NINJ2: variants seen among roughly 807,000 people sequenced by gnomAD.
NINJ2 encodes the protein ninjurin-2.
Under a neutral mutation model 11.7 loss-of-function variants are expected in NINJ2, and 12 were observed. The observed-to-expected ratio is 1.02, with a 90% CI of 0.66 to 1.66. The LOEUF is 1.66. Ranked by LOEUF, NINJ2 falls within the 40% of genes most tolerant of loss-of-function variation. The pLI is 0.00. For missense variants in NINJ2, 187 were observed against 181.8 expected (o/e 1.03, Z -0.16); for synonymous variants, 93 against 76.8 (o/e 1.21, Z -1.10).
chr12:605,119 C>T (rs1037267933), intron 1 of NINJ2, among the ~76,000 whole-genome samples: 2 of 152,164 alleles, frequency 1.3e-5, no homozygotes, highest in Non-Finnish European at 2.9e-5. Flanking sequence ...GTGTGAGATG[C>T]GGCCTACTCA....
chr12:644,191 T>G (rs751717725), intron 1 of NINJ2: 3 of 154,156 alleles, frequency 1.9e-5, no homozygotes, highest in Non-Finnish European at 4.4e-5. Flanking sequence ...GTGCTTATTA[T>G]GTAACAGACA....
At chr12:656,468 C>A (rs115536757) in intron 1 of NINJ2, among the ~76,000 whole-genome samples, 2 of 151,834 alleles carry the variant, frequency 1.3e-5, no homozygotes, top group African/African-American at 4.8e-5. Context: ...TACTGTAAAG[C>A]GGCCAGGCAT....
chr12:650,555 C>T (rs1052738363), intron 1 of NINJ2, among the ~76,000 whole-genome samples: 3 of 151,984 alleles, frequency 2.0e-5, no homozygotes, highest in Non-Finnish European at 4.4e-5. Context: ...AAAAATTAGC[C>T]GGGCGTGGTG....
intron 1 of NINJ2, among the ~76,000 whole-genome samples, chr12:658,763 C>T (rs528283048): frequency 2.6e-5 from 4 of 152,002 alleles, no homozygotes; most frequent in East Asian, 1.9e-4. Flanking sequence ...TATGCTATAG[C>T]GGTGGAAACA....
chr12:573,354 T>C (rs1947406097), intron 1 of NINJ2, among the ~76,000 whole-genome samples: 1 of 152,118 alleles, frequency 6.6e-6, no homozygotes, highest in Admixed American at 6.6e-5. Context: ...ACCCTTACTC[T>C]ACTGTGCCCA....
In NINJ2 at chr12:565,409, G is replaced by C. The variant is rs1289723189; in HGVS notation, c.263-8C>G. ...CATTCAGGTTCAGCCGTGCTGCAGG[G>C]AAGTGGAGTGGGGGGAAAGGGTCAG... On this transcript the variant is annotated splice_polypyrimidine_tract_variant and splice_region_variant and intron_variant, in intron 2 of 3. Coordinates refer to ENST00000305108, the MANE Select transcript of NINJ2 (RefSeq NM_016533.6). 22 of 1,613,214 alleles carry C rather than the reference G, an allele frequency of 1.4e-5. No individual in the cohort carries two copies. Among genetic ancestry groups the C allele is most frequent in the Non-Finnish European group, 1.8e-5 (21 of 1,179,712 alleles).
At chr12:598,015 G>A (rs1025530905) in intron 1 of NINJ2, among the ~76,000 whole-genome samples, 1 of 152,196 alleles carries the variant, frequency 6.6e-6, no homozygotes, top group Non-Finnish European at 1.5e-5. Flanking sequence ...GTAGGTAGGA[G>A]GTCCCCTGCG....
intron 1 of NINJ2, among the ~76,000 whole-genome samples, chr12:657,730 T>G (rs1937892365): frequency 6.6e-6 from 1 of 152,052 alleles, no homozygotes; most frequent in South Asian, 2.1e-4. Flanking sequence ...AAATGCAAAT[T>G]AAAACAAAAA....
intron 1 of NINJ2, among the ~76,000 whole-genome samples, chr12:567,355 A>G (rs1230337718): frequency 6.6e-6 from 1 of 152,156 alleles, no homozygotes; most frequent in East Asian, 1.9e-4. Context: ...ATGCGTGCCT[A>G]TATATGCACA....
At position 646,699 on chromosome 12, in the gene NINJ2, G is replaced by A. The variant is rs1303830903; in HGVS notation, c.33+16629C>T. Among the ~76,000 whole-genome samples the A allele has an allele frequency of 2.6e-5, 4 of 152,178 alleles. No individual in the cohort carries two copies. The East Asian group carries it at 5.8e-4, about 22-fold the overall frequency. ...ACTGCAGCTGAAGAGGAAAGGTCCT[G>A]GTTGTGTGAGTGAGGCTGTGTACAG... On this transcript the variant is annotated intron_variant, in intron 1 of 3. Coordinates refer to ENST00000305108, the MANE Select transcript of NINJ2 (RefSeq NM_016533.6).
At chr12:642,225 C>A (rs548107185) in intron 1 of NINJ2, among the ~76,000 whole-genome samples, 1 of 152,318 alleles carries the variant, frequency 6.6e-6, no homozygotes, top group East Asian at 1.9e-4. Context: ...ATGCCTGCTT[C>A]GTACAAAGGG....
rs1948067118 is a variant in NINJ2, at chr12:614,268, G to GTT, written c.34-48092_34-48091dup. Among the ~76,000 whole-genome samples, 1 of 152,186 alleles carries GTT rather than the reference G, an allele frequency of 6.6e-6. No homozygotes were observed. Among genetic ancestry groups the GTT allele is most frequent in the Non-Finnish European group, 1.5e-5 (1 of 68,040 alleles). On this transcript the variant is annotated intron_variant, in intron 1 of 3. Coordinates refer to ENST00000305108, the MANE Select transcript of NINJ2 (RefSeq NM_016533.6). The surrounding 1 kb of genome is among the most constrained non-coding windows in gnomAD (Gnocchi z 5.1). ...TTGGGAAGTTACTAATCCCACTGTG[G>GTT]TTTATACCTCATGACTTCTTGCATT...
intron 1 of NINJ2, among the ~76,000 whole-genome samples, chr12:566,453 G>A (rs1297216411): frequency 1.3e-5 from 2 of 152,156 alleles, no homozygotes; most frequent in African/African-American, 4.8e-5. Context: ...GGAGAAAGCC[G>A]GGAGGGTTCT....
In NINJ2 at chr12:581,157, CTCTGTGTGTGTGTGTGTG is replaced by C. The variant is rs1365711087; in HGVS notation, c.34-14997_34-14980del. 6.8e-6 allele frequency among the ~76,000 whole-genome samples: 1 copy of C among 146,750 alleles called. No individual in the cohort carries two copies. The highest frequency in any genetic ancestry group is 1.5e-5 in the Non-Finnish European group (1 of 66,366). On this transcript the variant is annotated intron_variant, in intron 1 of 3. Transcript: ENST00000305108. The surrounding 1 kb of genome is among the most constrained non-coding windows in gnomAD (Gnocchi z 4.9). Reference sequence around the variant, plus strand: ...TGCCTCTGTGTGTGTGTGCATGTGTCTCTGTGTGTGTGTGTGTGTCTGTGTGTGTGTCTGTCTCTGTGT... The same window carrying C: ...TGCCTCTGTGTGTGTGTGCATGTGTCTCTGTGTGTGTGTCTGTCTCTGTGT...
chr12:612,274 C>T (rs539806365), intron 1 of NINJ2, among the ~76,000 whole-genome samples: 14 of 152,286 alleles, frequency 9.2e-5, no homozygotes, highest in African/African-American at 2.9e-4. Context: ...TGGCGTCTTG[C>T]GTCAGTGAAA....
intron 1 of NINJ2, among the ~76,000 whole-genome samples, chr12:590,279 G>C (rs1947700767): frequency 1.3e-5 from 2 of 152,072 alleles, no homozygotes; most frequent in African/African-American, 4.8e-5. Flanking sequence ...AGCCACGCGC[G>C]GGAGCCCTGC....
At chr12:615,444 C>T (rs765917611) in intron 1 of NINJ2, among the ~76,000 whole-genome samples, 8 of 152,088 alleles carry the variant, frequency 5.3e-5, no homozygotes, top group African/African-American at 9.7e-5. Context: ...AAAAATTAGC[C>T]GGGCGTAGTG....
At chr12:592,493 G>T (rs1433433544) in intron 1 of NINJ2, among the ~76,000 whole-genome samples, 3 of 152,182 alleles carry the variant, frequency 2.0e-5, no homozygotes, top group Non-Finnish European at 4.4e-5. Flanking sequence ...TTGAGGTTAG[G>T]AGTTCAAGAC....
intron 1 of NINJ2, among the ~76,000 whole-genome samples, chr12:574,152 G>A (rs1323438881): frequency 6.6e-6 from 1 of 151,976 alleles, no homozygotes; most frequent in Non-Finnish European, 1.5e-5. Context: ...ACCTGGGAAG[G>A]CAGAGGTTGC....
Sources: gnomAD v4.1 joint callset for allele counts (sites outside exome capture counted in the v4.1 genomes callset) on GRCh38, gnomAD v4.1.1 for gene constraint, Gnocchi (gnomAD v3.1) non-coding constraint, MANE v1.5 for transcripts, NCBI Gene and HGNC (gene_info 2026-07-23, HGNC 2026-07-21) for gene names.